ESRRG: variants seen among roughly 807,000 people sequenced by gnomAD.
The protein encoded by ESRRG is estrogen-related receptor gamma.
In ESRRG, 13 loss-of-function variants were observed where a neutral mutation model predicts 44.0. That is an observed-to-expected ratio of 0.30 (90% CI 0.19 to 0.47). ESRRG has a LOEUF of 0.47. Ranked by LOEUF, ESRRG falls within the 20% of genes least tolerant of loss-of-function variation. The pLI is 1.00. For synonymous variants in ESRRG, 215 were observed against 214.6 expected (o/e 1.00, Z -0.02); for missense variants, 395 against 580.6 (o/e 0.68, Z 3.29).
chr1:216,650,689 C>T (rs1462867635), intron 3 of ESRRG, among the ~76,000 whole-genome samples: 1 of 152,006 alleles, frequency 6.6e-6, no homozygotes, highest in African/African-American at 2.4e-5. Context: ...TGTCTTCATC[C>T]TTTGCTTTCT....
At chr1:216,667,433 C>A (rs1438513802) in intron 2 of ESRRG, among the ~76,000 whole-genome samples, 2 of 151,928 alleles carry the variant, frequency 1.3e-5, no homozygotes, top group Non-Finnish European at 2.9e-5. Flanking sequence ...TGCCTGTAAT[C>A]CCAGCACATC....
intron 3 of ESRRG, among the ~76,000 whole-genome samples, chr1:216,596,234 C>A (rs547532718): frequency 6.6e-6 from 1 of 152,298 alleles, no homozygotes; most frequent in African/African-American, 2.4e-5. Context: ...TCTGTCACTG[C>A]GAGAGCTTTT....
chr1:216,604,322 A>G (rs761708099), intron 3 of ESRRG, among the ~76,000 whole-genome samples: 1 of 152,170 alleles, frequency 6.6e-6, no homozygotes, highest in Non-Finnish European at 1.5e-5. Flanking sequence ...TGAGACTGGT[A>G]TCAGAGGAGT....
At chr1:216,985,272 C>T (rs573676818) in intron 1 of ESRRG, among the ~76,000 whole-genome samples, 1 of 152,278 alleles carries the variant, frequency 6.6e-6, no homozygotes, top group African/African-American at 2.4e-5. Context: ...AGGAAAGAAC[C>T]TCTGGTAAAG....
chr1:216,986,971 G>C (rs892603677), intron 1 of ESRRG, among the ~76,000 whole-genome samples: 2 of 152,018 alleles, frequency 1.3e-5, no homozygotes, highest in Non-Finnish European at 2.9e-5. Context: ...CTAGAGAAAA[G>C]ACTAAATTTT....
chr1:216,873,209 GTTTT>G (rs754735743), intron 2 of ESRRG, among the ~76,000 whole-genome samples: 2 of 105,946 alleles, frequency 1.9e-5, no homozygotes, highest in African/African-American at 7.7e-5. Context: ...CATCTTTTCA[GTTTT>G]TTTTTTTTTT....
intron 2 of ESRRG, among the ~76,000 whole-genome samples, chr1:216,878,768 T>C (rs963154983): frequency 6.6e-6 from 1 of 152,210 alleles, no homozygotes; most frequent in Non-Finnish European, 1.5e-5. Flanking sequence ...ATGTTCAAAA[T>C]AGGCTGTTGA....
chr1:216,606,632 A>G (rs1156589900), intron 3 of ESRRG, among the ~76,000 whole-genome samples: 1 of 152,174 alleles, frequency 6.6e-6, no homozygotes, highest in Non-Finnish European at 1.5e-5. Context: ...CAAGGAACGC[A>G]AGGGTACAGA....
intron 2 of ESRRG, among the ~76,000 whole-genome samples, chr1:216,667,324 C>T (rs1197183762): frequency 2.0e-5 from 3 of 152,058 alleles, no homozygotes; most frequent in African/African-American, 7.2e-5. Context: ...CCATATCACA[C>T]AGTAGAATCC....
intron 2 of ESRRG, among the ~76,000 whole-genome samples, chr1:216,908,004 A>C (rs2059878853): frequency 6.6e-6 from 1 of 152,178 alleles, no homozygotes; most frequent in Non-Finnish European, 1.5e-5. Flanking sequence ...GAAGAATAAT[A>C]AATTATAAGC....
At position 216,834,937 on chromosome 1, in the gene ESRRG, T is replaced by C. The variant is rs561220508; in HGVS notation, c.-14+104645A>G. Among the ~76,000 whole-genome samples the C allele has an allele frequency of 2.1e-4, 32 of 152,114 alleles. No homozygotes were observed. In the East Asian group the frequency reaches 3.7e-3, roughly 17 times the overall value. ...GTCATTGGAGCCTTAGAGACAGCAA[T>C]TGAAGTACAGTAGGGAGGCAGACTC... is the stretch of plus-strand genomic sequence containing the variant. On this transcript the variant is annotated intron_variant, in intron 2 of 7. Transcript: ENST00000359162.
intron 1 of ESRRG, among the ~76,000 whole-genome samples, chr1:216,998,682 C>A (rs972165822): frequency 2.0e-5 from 3 of 152,134 alleles, no homozygotes; most frequent in Non-Finnish European, 4.4e-5. Context: ...ACCCTAATTG[C>A]TATTTATAAG....
chr1:216,887,013 C>T (rs2096526634), intron 2 of ESRRG, among the ~76,000 whole-genome samples: 1 of 152,158 alleles, frequency 6.6e-6, no homozygotes, highest in African/African-American at 2.4e-5. Context: ...GCTGGATTTA[C>T]TGGTGTGAGC....
At chr1:216,847,646 A>T (rs936175082) in intron 2 of ESRRG, among the ~76,000 whole-genome samples, 6 of 152,060 alleles carry the variant, frequency 3.9e-5, no homozygotes, top group African/African-American at 1.4e-4. Flanking sequence ...ATTCTTAAGC[A>T]TATTGTCTCT....
chr1:216,952,097 G>A (rs1334244447), intron 1 of ESRRG, among the ~76,000 whole-genome samples: 3 of 151,990 alleles, frequency 2.0e-5, no homozygotes, highest in Admixed American at 6.6e-5. Context: ...TTGTGTAAAC[G>A]ATCTCTGCCC....
In ESRRG at chr1:217,085,509, T is replaced by C. The variant is rs1030081727; in HGVS notation, c.-106+3998A>G. ...TTTTTTTTTTTTTTTTTTTTTTTTT[T>C]TAGACGAAGTCTCACTCTGTCCCCA... On this transcript the variant is annotated intron_variant, in intron 1 of 7. Transcript: ENST00000359162. Among the ~76,000 whole-genome samples, 5 of 99,348 alleles carry C rather than the reference T, an allele frequency of 5.0e-5. No homozygotes were observed. In the East Asian group the frequency reaches 1.5e-3, roughly 30 times the overall value. 65.2% of individuals were successfully genotyped at this position (99,348 alleles called of 152,430 possible).
chr1:216,544,421 A>G (rs1310953103), intron 5 of ESRRG, among the ~76,000 whole-genome samples: 1 of 152,012 alleles, frequency 6.6e-6, no homozygotes, highest in Non-Finnish European at 1.5e-5. Flanking sequence ...ATCAGGTACC[A>G]ATCAGGAGAT....
At position 216,653,328 on chromosome 1, in the gene ESRRG, C is replaced by T. The variant is rs151166535; in HGVS notation, c.473-2239G>A. Among the ~76,000 whole-genome samples, 254 of 152,246 alleles carry T rather than the reference C, an allele frequency of 1.7e-3. 1 individual carries two copies. Among genetic ancestry groups the T allele is most frequent in the African/African-American group, 5.1e-3 (213 of 41,536 alleles). On this transcript the variant is annotated intron_variant, in intron 2 of 6. Coordinates refer to ENST00000408911, the MANE Select transcript of ESRRG (RefSeq NM_001438.4). ...ACCCACTCTAATCCATGTGGCATACCGCTGTCATCTTCCTTTCCCTAGGAC... is the reference window on the plus strand; with the variant it reads ...ACCCACTCTAATCCATGTGGCATACTGCTGTCATCTTCCTTTCCCTAGGAC...
intron 2 of ESRRG, among the ~76,000 whole-genome samples, chr1:216,743,738 T>A (rs114616109): frequency 4.1e-4 from 62 of 152,294 alleles, no homozygotes; most frequent in African/African-American, 1.4e-3. Context: ...GACATGATGG[T>A]CAGTGCTGCT....
Sources: allele counts gnomAD v4.1 joint callset (sites outside exome capture counted in the v4.1 genomes callset), GRCh38; gene constraint gnomAD v4.1.1; transcripts MANE v1.5; gene names NCBI Gene and HGNC (gene_info 2026-07-23, HGNC 2026-07-21).